The following FAM53A variants were observed in gnomAD, a reference collection of about 807,000 sequenced individuals.
The protein encoded by FAM53A is family with sequence similarity 53 member A.
FAM53A carries 28 observed loss-of-function variants against 26.6 expected under a neutral mutation model. The observed-to-expected ratio is 1.05, with a 90% CI of 0.78 to 1.45. The LOEUF (loss-of-function observed/expected upper bound fraction) is 1.45, where lower values mean the gene tolerates loss of function less well. Among genes scored for constraint, FAM53A ranks in the 40% most tolerant of loss-of-function variants. FAM53A has a pLI of 0.00. For missense variants in FAM53A, 650 were observed against 575.8 expected, an observed-to-expected ratio of 1.13 and a Z score of -1.32; for synonymous variants, 290 against 253.1, an observed-to-expected ratio of 1.15 and a Z score of -1.38.
the FAM53A span, among the ~76,000 whole-genome samples, chr4:1,600,766 C>G: frequency 4.6e-5 from 7 of 152,228 alleles, no homozygotes; most frequent in African/African-American, 1.7e-4. Flanking sequence ...AAGCGATCCT[C>G]CTGCCTCAGC....
At chr4:1,606,557 G>A in the FAM53A span, among the ~76,000 whole-genome samples, 11 of 152,304 alleles carry the variant, frequency 7.2e-5, no homozygotes, top group South Asian at 1.0e-3. Context: ...CCTGCCTACC[G>A]CGTGACTCAG....
chr4:1,611,132 G>A, the FAM53A span, among the ~76,000 whole-genome samples: 4 of 152,204 alleles, frequency 2.6e-5, no homozygotes, highest in Non-Finnish European at 4.4e-5. Flanking sequence ...CGTCTCAGCC[G>A]CCTGACCCAG....
the FAM53A span, among the ~76,000 whole-genome samples, chr4:1,598,490 AC>A: frequency 6.6e-5 from 10 of 152,218 alleles, no homozygotes; most frequent in African/African-American, 2.2e-4. Flanking sequence ...AGTGGGTAAG[AC>A]AGCCACGTTG....
the FAM53A span, among the ~76,000 whole-genome samples, chr4:1,589,419 GTCTTT>G: frequency 6.6e-6 from 1 of 152,090 alleles, no homozygotes; most frequent in African/African-American, 2.4e-5. Flanking sequence ...CCTTACAATT[GTCTTT>G]TCTGATTTTG....
Position 1,630,068 on chromosome 4 carries a change from T to C in FAM53A, c.432-11957A>G, listed in dbSNP as rs2166582. ...TCCGCCCAGCACAAAAAGACCACAG[T>C]GAGACCCCGCTGGACACCTCACCCG... On this transcript the variant is annotated intron_variant, in intron 1 of 1. Transcript: ENST00000489029. The surrounding 1 kb of genome is among the most constrained non-coding windows in gnomAD (Gnocchi z 4.3). Among the ~76,000 whole-genome samples, 31,309 of 152,044 alleles carry C rather than the reference T, an allele frequency of 0.21. 3,828 individuals carry two copies. The highest frequency in any genetic ancestry group is 0.28 in the Non-Finnish European group (18,801 of 67,934).
At chr4:1,587,161 T>G in the FAM53A span, among the ~76,000 whole-genome samples, 1 of 152,254 alleles carries the variant, frequency 6.6e-6, no homozygotes, top group Admixed American at 6.5e-5. Flanking sequence ...ATGGGCAGTT[T>G]ATAACCATTT....
intron 1 of FAM53A, among the ~76,000 whole-genome samples, chr4:1,670,446 A>G (rs1714556392): frequency 6.6e-6 from 1 of 152,220 alleles, no homozygotes; most frequent in South Asian, 2.1e-4. Flanking sequence ...TGCCAGGTCC[A>G]GGGGACTGGG....
chr4:1,584,680 G>A, the FAM53A span, among the ~76,000 whole-genome samples: 1 of 152,214 alleles, frequency 6.6e-6, no homozygotes, highest in Non-Finnish European at 1.5e-5. Flanking sequence ...GAGCTTGGCT[G>A]GGCTGTCAAC....
downstream of FAM53A, among the ~76,000 whole-genome samples, chr4:1,614,823 G>A (rs538325856): frequency 2.6e-5 from 4 of 152,134 alleles, no homozygotes; most frequent in East Asian, 7.7e-4. Context: ...CACAGCCAGC[G>A]GTGCCACAGC....
chr4:1,645,830 A>ACAT (rs1382174218), intron 4 of FAM53A, among the ~76,000 whole-genome samples: 1 of 152,234 alleles, frequency 6.6e-6, no homozygotes, highest in Non-Finnish European at 1.5e-5. Flanking sequence ...GCCGTCTCAA[A>ACAT]CATTCCATGT....
upstream of FAM53A, among the ~76,000 whole-genome samples, chr4:1,684,553 C>G (rs1215098805): frequency 6.6e-6 from 1 of 151,010 alleles, no homozygotes; most frequent in East Asian, 1.9e-4. Context: ...CCGCCCCCTG[C>G]GCGCGTGCGT....
At chr4:1,579,622 G>A in the FAM53A span, among the ~76,000 whole-genome samples, 9 of 152,226 alleles carry the variant, frequency 5.9e-5, no homozygotes, top group Non-Finnish European at 1.2e-4. Flanking sequence ...CTGTAAAAGG[G>A]GGTGGGGCTG....
At chr4:1,599,521 C>G in the FAM53A span, among the ~76,000 whole-genome samples, 1 of 152,132 alleles carries the variant, frequency 6.6e-6, no homozygotes, top group Non-Finnish European at 1.5e-5. The surrounding 1 kb of genome is among the most constrained non-coding windows in gnomAD (Gnocchi z 6.1). Flanking sequence ...CGTGCGGCCT[C>G]GTCAGCACAG....
At chr4:1,601,315 G>A in the FAM53A span, among the ~76,000 whole-genome samples, 2 of 114,680 alleles carry the variant, frequency 1.7e-5, 1 homozygote, top group African/African-American at 5.6e-5. Context: ...GTACAGTGGG[G>A]ACACCAGGCA....
chr4:1,604,872 C>A, the FAM53A span, among the ~76,000 whole-genome samples: 1 of 152,162 alleles, frequency 6.6e-6, no homozygotes, highest in Non-Finnish European at 1.5e-5. Context: ...GCCCCGCTCC[C>A]GCAGTGCTGT....
chr4:1,658,666 C>G (rs1030100901), intron 2 of FAM53A, among the ~76,000 whole-genome samples: 10 of 152,254 alleles, frequency 6.6e-5, no homozygotes, highest in Non-Finnish European at 1.3e-4. Flanking sequence ...GCTCTCTTCC[C>G]TACCCCATGA....
In FAM53A at chr4:1,661,741, C is replaced by G. The variant is rs368544853; in HGVS notation, c.76-4273G>C. Among the ~76,000 whole-genome samples, 73 of 152,312 alleles carry G rather than the reference C, an allele frequency of 4.8e-4. 1 individual carries two copies. Among genetic ancestry groups the G allele is most frequent in the African/African-American group, 1.7e-3 (69 of 41,566 alleles). ...CAGCGAGGCACCCGTGCCCACTCCC[C>G]TCCCACCGCCTCATGCCTGTGGTTA... On this transcript the variant is annotated intron_variant, in intron 2 of 4. Coordinates refer to ENST00000308132, the MANE Select transcript of FAM53A (RefSeq NM_001174070.3).
rs1560118332 is a variant in FAM53A, at chr4:1,630,573, C to T, written c.432-12462G>A. Among the ~76,000 whole-genome samples, 2 of 152,234 alleles carry T rather than the reference C, an allele frequency of 1.3e-5. No individual in the cohort carries two copies. Among genetic ancestry groups the T allele is most frequent in the East Asian group, 1.9e-4 (1 of 5,202 alleles). On this transcript the variant is annotated intron_variant, in intron 1 of 1. Coordinates refer to the FAM53A transcript ENST00000489029. This position sits in a 1 kb window ranked among gnomAD's most constrained non-coding sequence, Gnocchi z 4.3. ...GGCCCCGTTCAGCCAGTCCGTCCCACACCTGAGGCAGGCTCAGCAATTCCC... is the reference window on the plus strand; with the variant it reads ...GGCCCCGTTCAGCCAGTCCGTCCCATACCTGAGGCAGGCTCAGCAATTCCC...
the FAM53A span, among the ~76,000 whole-genome samples, chr4:1,583,290 G>A: frequency 3.9e-5 from 6 of 152,204 alleles, no homozygotes; most frequent in South Asian, 2.1e-4. Flanking sequence ...AGAGATGGGA[G>A]AAAAGCAAAG....
Sources: gnomAD v4.1 joint callset for allele counts (sites outside exome capture counted in the v4.1 genomes callset) on GRCh38, gnomAD v4.1.1 for gene constraint, Gnocchi (gnomAD v3.1) non-coding constraint, MANE v1.5 for transcripts, NCBI Gene and HGNC (gene_info 2026-07-23, HGNC 2026-07-21) for gene names.